ACOT13: variants seen among roughly 807,000 people sequenced by gnomAD.
The protein encoded by ACOT13 is acyl-CoA thioesterase 13.
Under a neutral mutation model 11.8 loss-of-function variants are expected in ACOT13, and 10 were observed. The ratio of observed to expected loss-of-function variants is 0.85; its 90% CI spans 0.53 to 1.44. The LOEUF (loss-of-function observed/expected upper bound fraction) is 1.44, where lower values mean the gene tolerates loss of function less well. Ranked by LOEUF, ACOT13 falls within the 40% of genes most tolerant of loss-of-function variation. The pLI is 0.00. For missense variants in ACOT13, 172 were observed against 174.1 expected, an observed-to-expected ratio of 0.99 and a Z score of 0.07; for synonymous variants, 53 against 61.0, an observed-to-expected ratio of 0.87 and a Z score of 0.61.
At position 24,685,332 on chromosome 6, in the gene ACOT13, C is replaced by CTTTTTT. The variant is rs563020332; in HGVS notation, c.82-12524_82-12519dup. On this transcript the variant is annotated intron_variant, in intron 1 of 2. Transcript: ENST00000230048. ...ACATGGTCTCTTTCCTTTTACTGTA[C>CTTTTTT]TTTTTTTTTTTTTTTTTTTTTTTTT... Among the ~76,000 whole-genome samples the CTTTTTT allele has an allele frequency of 3.7e-3, 436 of 116,670 alleles. 22 individuals carry two copies. The highest frequency in any genetic ancestry group is 6.3e-3 in the Non-Finnish European group (349 of 55,460). The allele number at this position is 116,670 out of a possible 152,430, so 76.5% of individuals were successfully genotyped here.
At chr6:24,697,526 A>G (rs2127628592) in intron 1 of ACOT13, among the ~76,000 whole-genome samples, 1 of 152,240 alleles carries the variant, frequency 6.6e-6, no homozygotes, top group East Asian at 1.9e-4. Flanking sequence ...GGAAACAACA[A>G]ATCAAACCTA....
At chr6:24,675,517 A>G (rs536556174) in intron 1 of ACOT13, among the ~76,000 whole-genome samples, 8 of 152,352 alleles carry the variant, frequency 5.3e-5, no homozygotes, top group Admixed American at 5.2e-4. Context: ...TGTTGGCTGC[A>G]TAAATGTCTT....
chr6:24,674,078 C>G (rs1269952763), intron 1 of ACOT13, among the ~76,000 whole-genome samples: 3 of 151,672 alleles, frequency 2.0e-5, no homozygotes, highest in African/African-American at 7.3e-5. Flanking sequence ...TGTTTTTTAT[C>G]TGAGACAGAG....
rs1349023096 is a variant in ACOT13, at chr6:24,697,924, A to C, written c.123A>C (p.Glu41Asp). 1 of 1,612,726 alleles carries C rather than the reference A, an allele frequency of 6.2e-7. No individual in the cohort carries two copies. Residue 41 changes from glutamate (E) to aspartate (D), a missense_variant, in exon 2 of 3, where the codon GAA (glutamate) becomes GAC (aspartate). Coordinates refer to ENST00000230048, the MANE Select transcript of ACOT13 (RefSeq NM_018473.4). ...CTGCTCCTGGGAAAGTGATTTGTGAAATGAAAGTAGAAGAAGAGCATACCA... is the reference window on the plus strand; with the variant it reads ...CTGCTCCTGGGAAAGTGATTTGTGACATGAAAGTAGAAGAAGAGCATACCA... ...VSAAPGKVIC[E>D]MKVEEEHTNA...
In ACOT13 at chr6:24,698,034, G is replaced by A. The variant is rs779233647; in HGVS notation, c.233G>A (p.Gly78Glu). The A allele has an allele frequency of 2.0e-5, 32 of 1,610,606 alleles. No individual in the cohort carries two copies. In the East Asian group the frequency reaches 4.9e-4, roughly 25 times the overall value. ...ATGGCTCTGCTATGCACGGAAAGGG[G>A]AGCACCCGGAGTCAGTGTCGATATG... The part of the protein sequence containing the change: ...STMALLCTER[G>E]APGVSVDMNI... The change falls in exon 2 of 3, where the codon GGA becomes GAA. Residue 78 changes from glycine (G) to glutamate (E), a missense_variant. Gly to Glu is a moderately conservative substitution (Grantham distance 98). Transcript: ENST00000230048.
At chr6:24,700,923 T>C (rs1778881775) in intron 2 of ACOT13, 1 of 152,186 alleles carries the variant, frequency 6.6e-6, no homozygotes, top group Non-Finnish European at 1.5e-5. Context: ...CAATTTTTTT[T>C]TTAATTAGCT....
rs751026384 is a variant in ACOT13, at chr6:24,704,911, TTTTC to T, written c.*3300_*3303del. 34 of 152,550 alleles carry T rather than the reference TTTTC, an allele frequency of 2.2e-4. No homozygotes were observed. Among genetic ancestry groups the T allele is most frequent in the Middle Eastern group, 6.8e-3 (2 of 294 alleles). The allele number at this position is 152,550 out of a possible 1,614,324, so 9.4% of individuals were successfully genotyped here. ...GGAACTTTCACCTATTTTATTTAGG[TTTTC>T]TTTTTCTTTTTTTCTTTTTTTTTCA... On this transcript the variant is annotated 3_prime_UTR_variant, in exon 3 of 3. Transcript: ENST00000230048.
intron 1 of ACOT13, among the ~76,000 whole-genome samples, chr6:24,677,576 A>C (rs566378104): frequency 2.3e-4 from 35 of 152,232 alleles, no homozygotes; most frequent in African/African-American, 8.4e-4. Flanking sequence ...GGACTCCTAG[A>C]GCTATTCCTG....
At position 24,704,537 on chromosome 6, in the gene ACOT13, TAAGAC is replaced by T. The variant is rs962984365; in HGVS notation, c.*2927_*2931del. 1 of 152,240 alleles carries T rather than the reference TAAGAC, an allele frequency of 6.6e-6. No homozygotes were observed. The highest frequency in any genetic ancestry group is 1.5e-5 in the Non-Finnish European group (1 of 68,046). 9.4% of individuals were successfully genotyped at this position (152,240 alleles called of 1,614,324 possible). A position where few individuals can be genotyped will look rare whatever the true frequency, so the allele number is the denominator to read the frequency against. ...CTATTTCCACCAAAGGTTGAGAGGT[TAAGAC>T]AAGAGCTTAGAAGAGTACCTGGTTA... On this transcript the variant is annotated 3_prime_UTR_variant, in exon 3 of 3. Transcript: ENST00000230048.
At chr6:24,674,449 C>T (rs963597561) in intron 1 of ACOT13, among the ~76,000 whole-genome samples, 4 of 152,010 alleles carry the variant, frequency 2.6e-5, no homozygotes, top group African/African-American at 9.7e-5. Context: ...CATTCTGTCA[C>T]CCAGGCTGGA....
At chr6:24,683,324 G>C (rs1400652983) in intron 1 of ACOT13, among the ~76,000 whole-genome samples, 1 of 152,170 alleles carries the variant, frequency 6.6e-6, no homozygotes, top group Non-Finnish European at 1.5e-5. Flanking sequence ...GATCATCTGA[G>C]GTCAGGAGTT....
intron 1 of ACOT13, among the ~76,000 whole-genome samples, chr6:24,675,507 T>C (rs1778437654): frequency 6.6e-6 from 1 of 152,266 alleles, no homozygotes; most frequent in African/African-American, 2.4e-5. Flanking sequence ...TTCATGTATC[T>C]GTTGGCTGCA....
At chr6:24,694,691 G>T (rs1269001179) in intron 1 of ACOT13, among the ~76,000 whole-genome samples, 2 of 152,166 alleles carry the variant, frequency 1.3e-5, no homozygotes, top group Non-Finnish European at 2.9e-5. Context: ...AGCTCTGGGA[G>T]GGTGGGCAGG....
chr6:24,674,205 G>A (rs543714646), intron 1 of ACOT13, among the ~76,000 whole-genome samples: 4 of 152,064 alleles, frequency 2.6e-5, no homozygotes, highest in South Asian at 2.1e-4. Context: ...GGGATTACAC[G>A]TGCACCACAA....
intron 2 of ACOT13, among the ~76,000 whole-genome samples, chr6:24,700,275 G>A (rs1349386440): frequency 1.3e-5 from 2 of 152,122 alleles, no homozygotes; most frequent in Admixed American, 6.5e-5. Context: ...TAAGTTAATG[G>A]CTGTTAGCCA....
rs1272042804 is a variant in ACOT13 at position 24,702,049 on chromosome 6, G to A, written c.*434G>A. 2.6e-5 allele frequency: 4 copies of A among 153,358 alleles called. No individual in the cohort carries two copies. Among genetic ancestry groups the A allele is most frequent in the African/African-American group, 9.6e-5 (4 of 41,464 alleles). 9.5% of individuals were successfully genotyped at this position (153,358 alleles called of 1,614,324 possible). ...GGCCCAGCAGATCCTGTTAGGTGAG[G>A]GCCCGCTTCCTGGCTCATAGATGGT... On this transcript the variant is annotated 3_prime_UTR_variant, in exon 3 of 3. Transcript: ENST00000230048.
chr6:24,687,372 A>C, intron 1 of ACOT13: 1 of 1,092,076 alleles, frequency 9.2e-7, no homozygotes, highest in Non-Finnish European at 1.1e-6. Flanking sequence ...TATCGTGTTT[A>C]AGTTAGTTGC....
chr6:24,675,882 A>G (rs752302740), intron 1 of ACOT13, among the ~76,000 whole-genome samples: 1 of 152,208 alleles, frequency 6.6e-6, no homozygotes, highest in South Asian at 2.1e-4. Context: ...TCTTTAATCC[A>G]TCTTGAATTA....
rs1434587164 is a variant in ACOT13 at position 24,702,243 on chromosome 6, T to G, written c.*628T>G. ...CTCCTGCCTCAGCCTCCCAAGTAGC[T>G]GGGACTATAGGCATGTGCCATCACA... On this transcript the variant is annotated 3_prime_UTR_variant, in exon 3 of 3. Coordinates refer to ENST00000230048, the MANE Select transcript of ACOT13 (RefSeq NM_018473.4). The G allele has an allele frequency of 6.6e-6, 1 of 152,556 alleles. No homozygotes were observed. Among genetic ancestry groups the G allele is most frequent in the African/African-American group, 2.4e-5 (1 of 41,464 alleles). The allele number at this position is 152,556 out of a possible 1,614,324, so 9.5% of individuals were successfully genotyped here. A position where few individuals can be genotyped will look rare whatever the true frequency, so the allele number is the denominator to read the frequency against.
Sources: gnomAD v4.1 joint callset for allele counts (sites outside exome capture counted in the v4.1 genomes callset) on GRCh38, gnomAD v4.1.1 for gene constraint, MANE v1.5 for transcripts, NCBI Gene and HGNC (gene_info 2026-07-23, HGNC 2026-07-21) for gene names.